SERPINA10: variants seen among roughly 807,000 people sequenced by gnomAD.
SERPINA10 encodes the protein protein Z-dependent protease inhibitor.
SERPINA10 carries 24 observed loss-of-function variants against 28.0 expected under a neutral mutation model. The ratio of observed to expected loss-of-function variants is 0.86; its 90% CI spans 0.62 to 1.20. SERPINA10 has a LOEUF of 1.20. Ranked by LOEUF, SERPINA10 falls within the 50% of genes most tolerant of loss-of-function variation. The pLI, the probability that SERPINA10 is intolerant of heterozygous loss-of-function variation, is 0.00. For synonymous variants in SERPINA10, 207 were observed against 203.9 expected, an observed-to-expected ratio of 1.02 and a Z score of -0.13; for missense variants, 521 against 537.7, an observed-to-expected ratio of 0.97 and a Z score of 0.31.
intron 1 of SERPINA10, among the ~76,000 whole-genome samples, chr14:94,290,870 A>G (rs1895159224): frequency 6.6e-6 from 1 of 152,116 alleles, no homozygotes; most frequent in Non-Finnish European, 1.5e-5. Context: ...GCCGGCAGGC[A>G]GCTCTCAGTC....
In SERPINA10 at chr14:94,286,212, C is replaced by T; in HGVS notation, c.1039G>A (p.Glu347Lys). The change falls in exon 4 of 5, where the codon GAG becomes AAG. Residue 347 changes from glutamate (E) to lysine (K), a missense_variant. Glu to Lys is a moderately conservative substitution (Grantham distance 56). Coordinates refer to ENST00000261994, the MANE Select transcript of SERPINA10 (RefSeq NM_001100607.3). ...FPKFKLDQKY[E>K]MHELLRQMGI... ...ATCTGCCTAAGCAGCTCATGCATCTCATACTTCTGATCTAGCTTGAACTTC... is the reference window on the plus strand; with the variant it reads ...ATCTGCCTAAGCAGCTCATGCATCTTATACTTCTGATCTAGCTTGAACTTC... The T allele has an allele frequency of 6.2e-7, 1 of 1,614,162 alleles. No homozygotes were observed. The highest frequency in any genetic ancestry group is 8.5e-7 in the Non-Finnish European group (1 of 1,180,022).
At chr14:94,292,589 C>T in intron 1 of SERPINA10, 1 of 701,670 alleles carries the variant, frequency 1.4e-6, no homozygotes, top group Non-Finnish European at 2.6e-6. Flanking sequence ...ATGTCACCAC[C>T]TCCAAATGCT....
rs202149884 is a variant in SERPINA10 at position 94,290,205 on chromosome 14, A to C, written c.389T>G (p.Leu130Trp). 264 of 1,613,552 alleles carry C rather than the reference A, an allele frequency of 1.6e-4. No homozygotes were observed. In the East Asian group the frequency reaches 5.2e-3, roughly 32 times the overall value. The change falls in exon 2 of 5, where the codon TTG becomes TGG. Residue 130 changes from leucine (L) to tryptophan (W), a missense_variant. Coordinates refer to ENST00000261994, the MANE Select transcript of SERPINA10 (RefSeq NM_001100607.3). ...GGGCTTGGTGGGCTTCAGGGCCTGCAAGTGGAGCCCTCTCTTGATCTGGGT... is the reference window on the plus strand; with the variant it reads ...GGGCTTGGTGGGCTTCAGGGCCTGCCAGTGGAGCCCTCTCTTGATCTGGGT... ...TETQIKRGLH[L>W]QALKPTKPGL... is the part of the protein sequence containing the mutation.
chr14:94,287,395 A>T lies in SERPINA10; in HGVS notation c.992+891T>A, dbSNP rs114489525. ...CACCTTTGACACCTCTCTCACCCAC[A>T]TCCAATCGATTAGCAGATCCTGCAC... On this transcript the variant is annotated intron_variant, in intron 3 of 4. Transcript: ENST00000261994. 3.5e-3 allele frequency among the ~76,000 whole-genome samples: 539 copies of T among 152,132 alleles called. 5 individuals are homozygous for T. The highest frequency in any genetic ancestry group is 0.013 in the African/African-American group (519 of 41,508).
intron 3 of SERPINA10, among the ~76,000 whole-genome samples, chr14:94,287,113 A>T (rs767108720): frequency 1.3e-5 from 2 of 151,998 alleles, no homozygotes; most frequent in Admixed American, 6.6e-5. Flanking sequence ...CCTCTCCTCT[A>T]TATTTACAGA....
At chr14:94,290,736 G>T (rs768465990) in intron 1 of SERPINA10, 93 bp from the exon 2 acceptor site, 8 of 1,408,542 alleles carry the variant, frequency 5.7e-6, no homozygotes, top group Non-Finnish European at 7.7e-6. Flanking sequence ...CCTCCTTCCT[G>T]TGGCTCAAGT....
intron 3 of SERPINA10, among the ~76,000 whole-genome samples, chr14:94,287,670 TC>T (rs1595564668): frequency 1.3e-5 from 2 of 152,166 alleles, no homozygotes; most frequent in Admixed American, 6.5e-5. Context: ...AAAGCCCAAG[TC>T]TTTTCTGGGG....
chr14:94,292,860 C>G (rs1895213305), intron 1 of SERPINA10: 3 of 575,012 alleles, frequency 5.2e-6, no homozygotes. Context: ...AGCCCTGGGA[C>G]AGCACACATC....
chr14:94,286,031 T>C, intron 4 of SERPINA10, 77 bp downstream of exon 4: 1 of 1,551,376 alleles, frequency 6.4e-7, no homozygotes. Context: ...TTTATCAAAG[T>C]TAAATGGTTT....
In SERPINA10 at chr14:94,289,939, T is replaced by C; in HGVS notation, c.655A>G (p.Lys219Glu). Residue 219 changes from lysine to glutamate, a missense_variant, in exon 2 of 5, where the codon AAA becomes GAA. Coordinates refer to ENST00000261994, the MANE Select transcript of SERPINA10 (RefSeq NM_001100607.3). ...INKETRGKIP[K>E]LFDEINPETK... ...TCAGGATTAATCTCATCAAACAGTTTGGGAATTTTCCCCCGAGTCTCTTTG... is the reference window on the plus strand; with the variant it reads ...TCAGGATTAATCTCATCAAACAGTTCGGGAATTTTCCCCCGAGTCTCTTTG... 2 of 1,614,188 alleles carry C rather than the reference T, an allele frequency of 1.2e-6. No homozygotes were observed. Among genetic ancestry groups the C allele is most frequent in the South Asian group, 1.1e-5 (1 of 91,082 alleles).
At position 94,290,273 on chromosome 14, in the gene SERPINA10, C is replaced by T. The variant is rs780793190; in HGVS notation, c.321G>A (p.Leu107=). 8 of 1,614,076 alleles carry T rather than the reference C, an allele frequency of 5.0e-6. No individual in the cohort carries two copies. The highest frequency in any genetic ancestry group is 6.8e-6 in the Non-Finnish European group (8 of 1,180,036). Residue 107 remains leucine (L), a synonymous_variant, in exon 2 of 5, where the codon TTG becomes TTA. Coordinates refer to ENST00000261994, the MANE Select transcript of SERPINA10 (RefSeq NM_001100607.3). ...NMVFSPFGMS[L]AMTGLMLGAT... ...CCCCCAGCATCAAGCCTGTCATGGC[C>T]AAGGACATGCCAAATGGAGAGAAGA...
In SERPINA10 at chr14:94,285,985, G is replaced by C. The variant is rs917553338; in HGVS notation, c.1143+123C>G. The C allele has an allele frequency of 2.5e-6, 3 of 1,194,404 alleles. No individual in the cohort carries two copies. In the African/African-American group the frequency reaches 4.5e-5, roughly 18 times the overall value. 74.0% of individuals were successfully genotyped at this position (1,194,404 alleles called of 1,614,324 possible). A position where few individuals can be genotyped will look rare whatever the true frequency, so the allele number is the denominator to read the frequency against. On this transcript the variant is annotated intron_variant, in intron 4 of 4. Transcript: ENST00000261994. ...AACCTGGGTGCTATTTCAAGTATTT[G>C]GGACTTAAATCTAATTTTCCACTAC... is the stretch of plus-strand genomic sequence containing the variant.
At chr14:94,285,580 C>T (rs1029870375) in intron 4 of SERPINA10, among the ~76,000 whole-genome samples, 5 of 150,354 alleles carry the variant, frequency 3.3e-5, no homozygotes, top group Non-Finnish European at 4.4e-5. Flanking sequence ...TATATACACA[C>T]ATATATATAT....
intron 2 of SERPINA10, 134 bp from the exon 3 acceptor site, chr14:94,288,693 G>A (rs150217256): frequency 5.6e-6 from 7 of 1,247,854 alleles, no homozygotes; most frequent in African/African-American, 4.5e-5. Flanking sequence ...TAGGAAAGGC[G>A]TTCCCTAATT....
chr14:94,291,443 T>G (rs1335864239), intron 1 of SERPINA10, among the ~76,000 whole-genome samples: 2 of 152,244 alleles, frequency 1.3e-5, no homozygotes, highest in Admixed American at 6.5e-5. Context: ...TCCACATCCT[T>G]GGACACAGAG....
Position 94,290,215 on chromosome 14 carries a change from C to T in SERPINA10, c.379G>A (p.Gly127Arg), listed in dbSNP as rs1274673969. ...GGCTTCAGGGCCTGCAAGTGGAGCC[C>T]TCTCTTGATCTGGGTTTCAGTCGGC... ...TGPTETQIKR[G>R]LHLQALKPTK... is the part of the protein sequence containing the mutation. The change falls in exon 2 of 5, where the codon GGG (glycine) becomes AGG (arginine). Residue 127 changes from glycine (G) to arginine (R), a missense_variant. Physicochemically the swap from Gly to Arg is moderately radical, Grantham distance 125. Coordinates refer to ENST00000261994, the MANE Select transcript of SERPINA10 (RefSeq NM_001100607.3). 5 of 1,613,388 alleles carry T rather than the reference C, an allele frequency of 3.1e-6. No homozygotes were observed. In the South Asian group the frequency reaches 4.4e-5, roughly 14 times the overall value.
rs1895134243 is a variant in SERPINA10, at chr14:94,290,276, G to A, written c.318C>T (p.Ser106=). 4 of 1,614,122 alleles carry A rather than the reference G, an allele frequency of 2.5e-6. No homozygotes were observed. The highest frequency in any genetic ancestry group is 3.4e-6 in the Non-Finnish European group (4 of 1,180,056). The change falls in exon 2 of 5, where the codon TCC becomes TCT. Residue 106 remains serine, a synonymous_variant. Coordinates refer to ENST00000261994, the MANE Select transcript of SERPINA10 (RefSeq NM_001100607.3). The stretch of plus-strand genomic sequence containing the variant: ...CCAGCATCAAGCCTGTCATGGCCAA[G>A]GACATGCCAAATGGAGAGAAGACCA... ...GNMVFSPFGM[S]LAMTGLMLGA...
intron 1 of SERPINA10, chr14:94,292,857 G>A (rs1300716992): frequency 8.5e-6 from 5 of 586,950 alleles, no homozygotes; most frequent in South Asian, 6.2e-5. Context: ...CTCAGCCCTG[G>A]GACAGCACAC....
At chr14:94,288,083 T>C (rs573349267) in intron 3 of SERPINA10, among the ~76,000 whole-genome samples, 1 of 152,308 alleles carries the variant, frequency 6.6e-6, no homozygotes, top group East Asian at 1.9e-4. Context: ...AAAATACTGA[T>C]GGACTCAATG....
Sources: allele counts gnomAD v4.1 joint callset (sites outside exome capture counted in the v4.1 genomes callset), GRCh38; gene constraint gnomAD v4.1.1; transcripts MANE v1.5; gene names NCBI Gene and HGNC (gene_info 2026-07-23, HGNC 2026-07-21).